DIAPH3: variants seen among roughly 807,000 people sequenced by gnomAD.
The protein encoded by DIAPH3 is protein diaphanous homolog 3.
A neutral mutation model predicts 144.3 loss-of-function variants in DIAPH3; 117 were observed. That is an observed-to-expected ratio of 0.81 (90% CI 0.70 to 0.95). The LOEUF (loss-of-function observed/expected upper bound fraction) is 0.95, where lower values mean the gene tolerates loss of function less well. Ranked by LOEUF, DIAPH3 falls within the 40% of genes least tolerant of loss-of-function variation. The pLI is 0.00. For missense variants in DIAPH3, 1,421 were observed against 1,412.7 expected (o/e 1.01, Z -0.09); for synonymous variants, 519 against 488.9 (o/e 1.06, Z -0.81).
rs540060815 is a variant in DIAPH3 at position 59,679,625 on chromosome 13, C to A, written c.3320-12779G>T. 3.7e-4 allele frequency among the ~76,000 whole-genome samples: 57 copies of A among 152,360 alleles called. No homozygotes were observed. In the South Asian group the frequency reaches 0.011, roughly 28 times the overall value. ...GAAAATGGACAAGGAGGACAAGATA[C>A]AGTAACTGTTAGTTGTTCCATTTCA... is the stretch of plus-strand genomic sequence containing the variant. On this transcript the variant is annotated intron_variant, in intron 27 of 27. Transcript: ENST00000400324.
intron 2 of DIAPH3, among the ~76,000 whole-genome samples, chr13:60,120,529 G>T (rs1277176512): frequency 1.3e-5 from 2 of 152,088 alleles, no homozygotes; most frequent in Admixed American, 6.5e-5. Context: ...AAAAATACTT[G>T]ATTATCTACT....
chr13:60,112,442 T>A (rs1190515485), intron 2 of DIAPH3, among the ~76,000 whole-genome samples: 2 of 152,146 alleles, frequency 1.3e-5, no homozygotes, highest in African/African-American at 4.8e-5. Context: ...CACACATAGA[T>A]TTGAGCTTCT....
chr13:59,749,209 CAAAA>C (rs71197276), intron 27 of DIAPH3, among the ~76,000 whole-genome samples: 5 of 25,098 alleles, frequency 2.0e-4, no homozygotes, highest in African/African-American at 3.6e-4. Flanking sequence ...GACTCTGTCT[CAAAA>C]AAAAAAAAAA....
Position 60,042,797 on chromosome 13 carries a change from C to A in DIAPH3, c.519G>T (p.Gln173His). The A allele has an allele frequency of 6.2e-7, 1 of 1,613,576 alleles. No individual in the cohort carries two copies. ...SKTGSLKRSR[Q>H]ISPQEFIHEL... ...CATGAATGAATTCCTGAGGTGAGAT[C>A]TGTCGGCTTCTCTTAAGACTTCCCT... The change falls in exon 5 of 28, where the codon CAG becomes CAT. Residue 173 changes from glutamine (Q) to histidine (H), a missense_variant. By Grantham distance (24) the Gln-to-His change is conservative. Coordinates refer to ENST00000400324, the MANE Select transcript of DIAPH3 (RefSeq NM_001042517.2).
At chr13:59,720,550 C>T (rs2035291471) in intron 27 of DIAPH3, among the ~76,000 whole-genome samples, 1 of 152,028 alleles carries the variant, frequency 6.6e-6, no homozygotes, top group African/African-American at 2.4e-5. Context: ...GGACAGGAAA[C>T]ATTGTGATCA....
intron 16 of DIAPH3, 85 bp downstream of exon 16, chr13:59,970,767 A>T: frequency 8.2e-7 from 1 of 1,220,564 alleles, no homozygotes; most frequent in African/African-American, 1.5e-5. Flanking sequence ...GCATAAATTA[A>T]ATCTCATTAG....
intron 25 of DIAPH3, among the ~76,000 whole-genome samples, chr13:59,800,753 C>T (rs1379096194): frequency 6.6e-6 from 1 of 152,166 alleles, no homozygotes; most frequent in Non-Finnish European, 1.5e-5. Flanking sequence ...GGGAGCAGAA[C>T]TAGCATCTTT....
At chr13:59,919,807 G>T (rs2047422342) in intron 18 of DIAPH3, among the ~76,000 whole-genome samples, 1 of 151,972 alleles carries the variant, frequency 6.6e-6, no homozygotes, top group African/African-American at 2.4e-5. Context: ...ATCTTTAAAA[G>T]GGAGAATAGA....
At chr13:59,803,633 G>A (rs2040051352) in intron 25 of DIAPH3, among the ~76,000 whole-genome samples, 1 of 152,166 alleles carries the variant, frequency 6.6e-6, no homozygotes, top group Non-Finnish European at 1.5e-5. Context: ...TATGTTGGAA[G>A]TCTGAGAACC....
chr13:60,016,416 G>T (rs386809), intron 5 of DIAPH3, among the ~76,000 whole-genome samples: 1 of 151,906 alleles, frequency 6.6e-6, no homozygotes, highest in African/African-American at 2.4e-5. Flanking sequence ...GACATCACGT[G>T]GGTAGCTTGA....
intron 22 of DIAPH3, among the ~76,000 whole-genome samples, chr13:59,851,354 C>G (rs1284043775): frequency 6.6e-6 from 1 of 152,206 alleles, no homozygotes; most frequent in African/African-American, 2.4e-5. Flanking sequence ...CAAATACCAA[C>G]ATAAATGGCC....
intron 5 of DIAPH3, among the ~76,000 whole-genome samples, chr13:60,040,655 A>G (rs1229655956): frequency 6.6e-6 from 1 of 152,146 alleles, no homozygotes; most frequent in Non-Finnish European, 1.5e-5. Context: ...AAAACTATGA[A>G]TATTTCCAGT....
chr13:59,789,401 G>T (rs993251361), intron 25 of DIAPH3, among the ~76,000 whole-genome samples: 1 of 151,674 alleles, frequency 6.6e-6, no homozygotes, highest in Non-Finnish European at 1.5e-5. Flanking sequence ...AATATATTAG[G>T]ATTTGTTTTA....
rs1015126718 is a variant in DIAPH3, at chr13:60,157,102, G to A, written c.180+6485C>T. 8.6e-5 allele frequency among the ~76,000 whole-genome samples: 13 copies of A among 151,334 alleles called. 1 individual carries two copies. The South Asian group carries it at 1.0e-3, about 12-fold the overall frequency. Reference sequence around the variant, plus strand: ...TGGGATTACAGGCGCCCACTGCCACGTCTGGCTAATTTTGGTATTTTTAGT... The same window carrying A: ...TGGGATTACAGGCGCCCACTGCCACATCTGGCTAATTTTGGTATTTTTAGT... On this transcript the variant is annotated intron_variant, in intron 1 of 27. Transcript: ENST00000400324.
intron 21 of DIAPH3, among the ~76,000 whole-genome samples, chr13:59,869,900 T>C (rs2044153635): frequency 6.6e-6 from 1 of 152,208 alleles, no homozygotes; most frequent in Non-Finnish European, 1.5e-5. Context: ...TTATCAGGTA[T>C]GTGTTTTGGA....
At chr13:59,744,963 C>A (rs967823871) in intron 27 of DIAPH3, among the ~76,000 whole-genome samples, 1 of 152,150 alleles carries the variant, frequency 6.6e-6, no homozygotes, top group Non-Finnish European at 1.5e-5. Context: ...CCTGGCCTCA[C>A]CCCTTATAGG....
chr13:60,082,219 T>C (rs1171818557), intron 4 of DIAPH3, among the ~76,000 whole-genome samples: 1 of 150,656 alleles, frequency 6.6e-6, no homozygotes, highest in Non-Finnish European at 1.5e-5. Flanking sequence ...CATAATGTCA[T>C]AAGAGAATGC....
rs146586095 is a variant in DIAPH3, at chr13:60,157,990, T to G, written c.180+5597A>C. Among the ~76,000 whole-genome samples, 10 of 152,330 alleles carry G rather than the reference T, an allele frequency of 6.6e-5. No homozygotes were observed. In the East Asian group the frequency reaches 1.9e-3, roughly 29 times the overall value. The stretch of plus-strand genomic sequence containing the variant: ...TTATCAGCTATATGGTCACCAGAAC[T>G]CTGCCCTCTGGTTTTTTATGCCAGT... On this transcript the variant is annotated intron_variant, in intron 1 of 27. Transcript: ENST00000400324.
intron 4 of DIAPH3, 61 bp from the exon 5 acceptor site, chr13:60,042,881 T>C (rs539690219): frequency 2.5e-6 from 4 of 1,578,218 alleles, no homozygotes; most frequent in East Asian, 2.3e-5. Context: ...CATTAAAAAA[T>C]AACAAGTTAA....
Sources: allele counts gnomAD v4.1 joint callset (sites outside exome capture counted in the v4.1 genomes callset), GRCh38; gene constraint gnomAD v4.1.1; transcripts MANE v1.5; gene names NCBI Gene and HGNC (gene_info 2026-07-23, HGNC 2026-07-21).